CYS1: variants seen among roughly 807,000 people sequenced by gnomAD.
CYS1 encodes the protein cystin 1.
In CYS1, 5 loss-of-function variants were observed where a neutral mutation model predicts 9.6. The ratio of observed to expected loss-of-function variants is 0.52; its 90% CI spans 0.27 to 1.10. CYS1 has a LOEUF of 1.10. Ranked by LOEUF, CYS1 falls within the 50% of genes least tolerant of loss-of-function variation. CYS1 has a pLI of 0.11. For synonymous variants in CYS1, 88 were observed against 95.7 expected (o/e 0.92, Z 0.47); for missense variants, 221 against 207.9 (o/e 1.06, Z -0.39).
In CYS1 at chr2:10,058,616, G is replaced by T; in HGVS notation, c.*237C>A. ...CCGCGTTGGGGAGGAGGCGCCGGCGGCCCAGGCCCACGCACCTGTGGGTCT... is the reference window on the plus strand; with the variant it reads ...CCGCGTTGGGGAGGAGGCGCCGGCGTCCCAGGCCCACGCACCTGTGGGTCT... On this transcript the variant is annotated 3_prime_UTR_variant, in exon 3 of 3. Coordinates refer to ENST00000381813, the MANE Select transcript of CYS1 (RefSeq NM_001037160.3). The T allele has an allele frequency of 7.1e-6, 3 of 422,208 alleles. No individual in the cohort carries two copies. The highest frequency in any genetic ancestry group is 8.5e-6 in the Non-Finnish European group (2 of 234,052). The allele number at this position is 422,208 out of a possible 1,614,324, so 26.2% of individuals were successfully genotyped here.
At chr2:10,065,999 A>G (rs1226101354) in intron 1 of CYS1, 43 bp from the exon 2 acceptor site, 11 of 1,610,166 alleles carry the variant, frequency 6.8e-6, no homozygotes, top group Non-Finnish European at 9.3e-6. Context: ...GATTGTCAAC[A>G]GTGCAGCCTG....
At chr2:10,067,037 C>A (rs1454403009) in intron 1 of CYS1, among the ~76,000 whole-genome samples, 1 of 152,120 alleles carries the variant, frequency 6.6e-6, no homozygotes, top group Non-Finnish European at 1.5e-5. Flanking sequence ...ATTTTTGAGA[C>A]AGAGTTTTGC....
rs886817949 is a variant in CYS1 at position 10,080,108 on chromosome 2, G to C, written c.116C>G (p.Pro39Arg). ...CCCCGGGACCTCGGCCGCCGCCACC[G>C]GCACCCGCCGGCGGGTCCCGCCCTC... ...ALEGGTRRRV[P>R]VAAAEVPGAA... is the part of the protein sequence containing the mutation. The change falls in exon 1 of 3, where the codon CCG (proline) becomes CGG (arginine). Residue 39 changes from proline to arginine, a missense_variant. By Grantham distance (103) the Pro-to-Arg change is moderately radical. Transcript: ENST00000381813. The surrounding 1 kb of genome is among the most constrained non-coding windows in gnomAD (Gnocchi z 6.4). The C allele has an allele frequency of 5.8e-6, 6 of 1,026,138 alleles. No homozygotes were observed. Among genetic ancestry groups the C allele is most frequent in the Non-Finnish European group, 3.5e-6 (3 of 858,156 alleles). 63.6% of individuals were successfully genotyped at this position (1,026,138 alleles called of 1,614,324 possible). A position where few individuals can be genotyped will look rare whatever the true frequency, so the allele number is the denominator to read the frequency against.
Position 10,080,206 on chromosome 2 carries a change from G to T in CYS1, c.18C>A (p.Ser6Arg). The T allele has an allele frequency of 9.4e-7, 1 of 1,062,068 alleles. No homozygotes were observed. The highest frequency in any genetic ancestry group is 1.1e-6 in the Non-Finnish European group (1 of 883,158). The allele number at this position is 1,062,068 out of a possible 1,614,324, so 65.8% of individuals were successfully genotyped here. Residue 6 changes from serine (S) to arginine (R), a missense_variant, in exon 1 of 3, where the codon AGC becomes AGA. Coordinates refer to ENST00000381813, the MANE Select transcript of CYS1 (RefSeq NM_001037160.3). The surrounding 1 kb of genome is among the most constrained non-coding windows in gnomAD (Gnocchi z 6.4). Reference protein sequence around the residue: MGSGSSRSSRTLRRRR... With the variant: MGSGSRRSSRTLRRRR... ...GCCGCCTCAGAGTCCGGCTGCTCCG[G>T]CTGCTGCCGCTGCCCATGGCGCGCC...
rs1045020940 is a variant in CYS1, at chr2:10,070,871, T to C, written c.319-4915A>G. ...GTTGCCCAGGCTGGTCTTGTACTCC[T>C]GAGCTCAAGCGATCCCCCCACCTCG... On this transcript the variant is annotated intron_variant, in intron 1 of 2. Coordinates refer to ENST00000381813, the MANE Select transcript of CYS1 (RefSeq NM_001037160.3). 2.6e-5 allele frequency among the ~76,000 whole-genome samples: 4 copies of C among 152,156 alleles called. No homozygotes were observed. In the South Asian group the frequency reaches 8.3e-4, roughly 31 times the overall value.
intron 1 of CYS1, among the ~76,000 whole-genome samples, chr2:10,073,218 C>G (rs1026791502): frequency 2.8e-5 from 4 of 140,910 alleles, no homozygotes; most frequent in South Asian, 4.6e-4. Flanking sequence ...CGCCCCCCCC[C>G]CCCCCCCGGC....
At position 10,074,946 on chromosome 2, in the gene CYS1, T is replaced by TA. The variant is rs568083667; in HGVS notation, c.318+4959dup. On this transcript the variant is annotated intron_variant, in intron 1 of 2. Transcript: ENST00000381813. ...GGCCAACATGGCGAAACCCCGTCTC[T>TA]ACTAAAAATACAAAAATTACCTGGG... Among the ~76,000 whole-genome samples, 1,392 of 152,292 alleles carry TA rather than the reference T, an allele frequency of 9.1e-3. 14 individuals carry two copies. Among genetic ancestry groups the TA allele is most frequent in the African/African-American group, 0.032 (1,311 of 41,554 alleles).
At chr2:10,074,470 G>A (rs1271454943) in intron 1 of CYS1, among the ~76,000 whole-genome samples, 13 of 151,672 alleles carry the variant, frequency 8.6e-5, no homozygotes, top group East Asian at 5.8e-4. Flanking sequence ...AACCTCCCCC[G>A]CCACTGTGGA....
intron 1 of CYS1, among the ~76,000 whole-genome samples, chr2:10,071,555 G>T (rs1215825121): frequency 6.6e-6 from 1 of 152,242 alleles, no homozygotes; most frequent in Non-Finnish European, 1.5e-5. Context: ...TGTTTCTGTT[G>T]TTTTCACCTG....
chr2:10,073,908 T>C (rs1661809578), intron 1 of CYS1, among the ~76,000 whole-genome samples: 1 of 152,196 alleles, frequency 6.6e-6, no homozygotes, highest in Non-Finnish European at 1.5e-5. Context: ...ACCAGGCTTC[T>C]AATCACCTAC....
At chr2:10,073,919 A>G (rs1393231247) in intron 1 of CYS1, among the ~76,000 whole-genome samples, 3 of 152,216 alleles carry the variant, frequency 2.0e-5, no homozygotes, top group Non-Finnish European at 4.4e-5. Flanking sequence ...AATCACCTAC[A>G]GCAGCCAGCA....
chr2:10,072,039 T>TGACTATTAAAACTAAAGTTTTC (rs1257222611), intron 1 of CYS1, among the ~76,000 whole-genome samples: 2 of 151,866 alleles, frequency 1.3e-5, no homozygotes, highest in East Asian at 3.8e-4. Context: ...TTAAAGTTTT[T>TGACTATTAAAACTAAAGTTTTC]GACTCTTAAA....
chr2:10,079,808 G>A, intron 1 of CYS1, 98 bp downstream of exon 1: 3 of 773,252 alleles, frequency 3.9e-6, no homozygotes, highest in Non-Finnish European at 4.9e-6. Context: ...GGCTGGAAGG[G>A]GGCGCAGCGC....
chr2:10,078,848 G>A (rs1418023794), intron 1 of CYS1, among the ~76,000 whole-genome samples: 1 of 152,164 alleles, frequency 6.6e-6, no homozygotes, highest in African/African-American at 2.4e-5. Context: ...AATAATATCA[G>A]CAAATCAGAG....
intron 2 of CYS1, among the ~76,000 whole-genome samples, chr2:10,060,956 G>A (rs143894510): frequency 3.9e-5 from 6 of 152,306 alleles, no homozygotes; most frequent in East Asian, 3.9e-4. Flanking sequence ...CTGGCCCGGC[G>A]CAGTGGCTCA....
At position 10,063,502 on chromosome 2, in the gene CYS1, C is replaced by A. The variant is rs1452704158; in HGVS notation, c.371+2402G>T. 1.3e-5 allele frequency among the ~76,000 whole-genome samples: 2 copies of A among 152,192 alleles called. No homozygotes were observed. The highest frequency in any genetic ancestry group is 2.1e-4 in the South Asian group (1 of 4,834). On this transcript the variant is annotated intron_variant, in intron 2 of 2. Transcript: ENST00000381813. This position sits in a 1 kb window ranked among gnomAD's most constrained non-coding sequence, Gnocchi z 4.2. Reference sequence around the variant, plus strand: ...CAACTTTGCTATATTTACTTTATCACGTACTTATTTACTTCTTCATCTGAT... The same window carrying A: ...CAACTTTGCTATATTTACTTTATCAAGTACTTATTTACTTCTTCATCTGAT...
chr2:10,067,968 A>G (rs7599447), intron 1 of CYS1, among the ~76,000 whole-genome samples: 45,871 of 152,046 alleles, frequency 0.3, 7,394 homozygotes, highest in East Asian at 0.62. Context: ...AAAAGTTTCC[A>G]TCACATCATG....
At position 10,056,534 on chromosome 2, in the gene CYS1, T is replaced by A; in HGVS notation, c.*2319A>T. Among the ~76,000 whole-genome samples, 1 of 152,234 alleles carries A rather than the reference T, an allele frequency of 6.6e-6. No homozygotes were observed. Among genetic ancestry groups the A allele is most frequent in the East Asian group, 1.9e-4 (1 of 5,194 alleles). On this transcript the variant is annotated 3_prime_UTR_variant, in exon 3 of 3. Coordinates refer to ENST00000381813, the MANE Select transcript of CYS1 (RefSeq NM_001037160.3). Reference sequence around the variant, plus strand: ...GCGTCATTTTTGCCTTTGAGATGTGTTTCTTTCTGCCTCCATTCCAGCCAC... The same window carrying A: ...GCGTCATTTTTGCCTTTGAGATGTGATTCTTTCTGCCTCCATTCCAGCCAC...
At chr2:10,066,107 C>A in intron 1 of CYS1, 151 bp from the exon 2 acceptor site, 5 of 805,306 alleles carry the variant, frequency 6.2e-6, no homozygotes, top group African/African-American at 1.7e-5. Context: ...TGTCAAGTTC[C>A]ATCCACTCAT....
Sources: allele counts gnomAD v4.1 joint callset (sites outside exome capture counted in the v4.1 genomes callset), GRCh38; gene constraint gnomAD v4.1.1; non-coding constraint Gnocchi (gnomAD v3.1); transcripts MANE v1.5; gene names NCBI Gene and HGNC (gene_info 2026-07-23, HGNC 2026-07-21).